The following OPCML variants were observed in gnomAD, a reference collection of about 807,000 sequenced individuals.
OPCML encodes the protein opioid-binding protein/cell adhesion molecule.
A neutral mutation model predicts 37.8 loss-of-function variants in OPCML; 13 were observed. The ratio of observed to expected loss-of-function variants is 0.34; its 90% CI spans 0.22 to 0.55. OPCML has a LOEUF of 0.55. OPCML is among the 20% of genes least tolerant of loss of function. OPCML has a pLI of 0.91. For synonymous variants in OPCML, 176 were observed against 168.8 expected, an observed-to-expected ratio of 1.04 and a Z score of -0.33; for missense variants, 341 against 435.6, an observed-to-expected ratio of 0.78 and a Z score of 1.93.
intron 1 of OPCML, among the ~76,000 whole-genome samples, chr11:133,286,385 G>A (rs558709428): frequency 7.3e-5 from 11 of 151,094 alleles, no homozygotes; most frequent in African/African-American, 2.4e-4. Context: ...CAGGAGAATG[G>A]CGTGAACCCG....
intron 1 of OPCML, chr11:133,420,294 G>A (rs7932089): frequency 4.1e-5 from 40 of 985,282 alleles, no homozygotes; most frequent in East Asian, 2.3e-4. Context: ...TCTTTGGCAC[G>A]AAGTGCAAAT....
At chr11:133,338,645 G>A (rs1031244057) in intron 1 of OPCML, among the ~76,000 whole-genome samples, 26 of 152,324 alleles carry the variant, frequency 1.7e-4, no homozygotes, top group Middle Eastern at 3.4e-3. Context: ...TCTAGGGCGG[G>A]TTGAAATGAT....
At chr11:133,301,721 A>C (rs746176532) in intron 1 of OPCML, 1 of 152,176 alleles carries the variant, frequency 6.6e-6, no homozygotes, top group Non-Finnish European at 1.5e-5. Context: ...CTTCAGAGTA[A>C]ATGTCTGCTT....
chr11:133,374,303 T>C (rs978075382), intron 1 of OPCML, among the ~76,000 whole-genome samples: 1 of 152,174 alleles, frequency 6.6e-6, no homozygotes, highest in African/African-American at 2.4e-5. Context: ...AAATAGAATG[T>C]AGATTAGCGG....
intron 1 of OPCML, among the ~76,000 whole-genome samples, chr11:132,976,599 G>C (rs1813956805): frequency 6.6e-6 from 1 of 152,128 alleles, no homozygotes; most frequent in African/African-American, 2.4e-5. Context: ...TTTTATAATA[G>C]CTAATAGAGT....
intron 1 of OPCML, among the ~76,000 whole-genome samples, chr11:133,028,560 TGA>T (rs148115731): frequency 0.17 from 25,460 of 145,658 alleles, 2,310 homozygotes; most frequent in South Asian, 0.28. Flanking sequence ...TGTGTACATG[TGA>T]GAGAGAGAGA....
At chr11:133,181,339 G>A (rs1256261336) in intron 1 of OPCML, among the ~76,000 whole-genome samples, 2 of 133,202 alleles carry the variant, frequency 1.5e-5, no homozygotes, top group South Asian at 5.1e-4. Flanking sequence ...TTTTCTACTA[G>A]AGTTTGATAA....
chr11:132,909,326 T>C (rs868523732), intron 2 of OPCML, among the ~76,000 whole-genome samples: 4 of 152,226 alleles, frequency 2.6e-5, no homozygotes, highest in Admixed American at 1.3e-4. Flanking sequence ...AATACTTGGA[T>C]GTGTTCTTTG....
At chr11:132,460,540 G>A (rs2096097781) in intron 4 of OPCML, among the ~76,000 whole-genome samples, 1 of 152,182 alleles carries the variant, frequency 6.6e-6, no homozygotes, top group Admixed American at 6.5e-5. Context: ...GGAGGAAGAT[G>A]TATGGTGACT....
chr11:133,421,135 A>T, intron 1 of OPCML: 1 of 985,428 alleles, frequency 1.0e-6, no homozygotes, highest in Non-Finnish European at 1.2e-6. Flanking sequence ...AGCTAACTCT[A>T]TTTAACTCTG....
intron 1 of OPCML, among the ~76,000 whole-genome samples, chr11:133,033,582 G>A (rs771005701): frequency 3.9e-5 from 6 of 152,208 alleles, no homozygotes; most frequent in Non-Finnish European, 8.8e-5. Context: ...TATGGTTTGT[G>A]TAACTTTACT....
At chr11:132,760,600 T>C (rs1946227070) in intron 2 of OPCML, among the ~76,000 whole-genome samples, 1 of 152,058 alleles carries the variant, frequency 6.6e-6, no homozygotes, top group Admixed American at 6.6e-5. Context: ...AAAGTCTTTT[T>C]TATCAGAGAC....
intron 2 of OPCML, among the ~76,000 whole-genome samples, chr11:132,742,161 G>A (rs545928086): frequency 1.1e-4 from 16 of 152,244 alleles, no homozygotes; most frequent in Middle Eastern, 3.4e-3. Context: ...AACCGCAGTC[G>A]TATCCACATG....
chr11:133,028,422 C>G (rs1947603883), intron 1 of OPCML, among the ~76,000 whole-genome samples: 2 of 152,070 alleles, frequency 1.3e-5, no homozygotes, highest in African/African-American at 4.8e-5. Context: ...ATTATCCATC[C>G]AAATCCCACC....
At chr11:132,901,964 T>C (rs568046836) in intron 2 of OPCML, among the ~76,000 whole-genome samples, 1 of 152,180 alleles carries the variant, frequency 6.6e-6, no homozygotes, top group Non-Finnish European at 1.5e-5. Context: ...AACAGGATGA[T>C]GAACTCCCCC....
At chr11:133,215,998 G>T (rs571300783) in intron 1 of OPCML, among the ~76,000 whole-genome samples, 3 of 152,142 alleles carry the variant, frequency 2.0e-5, no homozygotes, top group Non-Finnish European at 4.4e-5. Context: ...ACCAGGAGGG[G>T]GTGGGAGGCA....
intron 3 of OPCML, among the ~76,000 whole-genome samples, chr11:132,565,632 A>G (rs1225406673): frequency 6.6e-6 from 1 of 152,250 alleles, no homozygotes; most frequent in East Asian, 1.9e-4. Context: ...CTCAATGCTT[A>G]CAAGAAGCTC....
intron 1 of OPCML, among the ~76,000 whole-genome samples, chr11:133,385,814 A>G (rs964854980): frequency 6.6e-6 from 1 of 152,206 alleles, no homozygotes; most frequent in African/African-American, 2.4e-5. Context: ...TCTGTCTTCT[A>G]TAAAATACTC....
At chr11:132,624,328 T>A (rs1460090600) in intron 3 of OPCML, among the ~76,000 whole-genome samples, 1 of 152,222 alleles carries the variant, frequency 6.6e-6, no homozygotes, top group Non-Finnish European at 1.5e-5. Flanking sequence ...ATCACTATCA[T>A]GGTATGATAA....
Sources: gnomAD v4.1 joint callset for allele counts (sites outside exome capture counted in the v4.1 genomes callset) on GRCh38, gnomAD v4.1.1 for gene constraint, MANE v1.5 for transcripts, NCBI Gene and HGNC (gene_info 2026-07-23, HGNC 2026-07-21) for gene names.